The following CFTR variants were observed in gnomAD, a reference collection of about 807,000 sequenced individuals.
The protein encoded by CFTR is CF transmembrane conductance regulator.
CFTR carries 181 observed loss-of-function variants against 171.6 expected under a neutral mutation model. That is an observed-to-expected ratio of 1.05 (90% CI 0.93 to 1.19). CFTR has a LOEUF of 1.19. Ranked by LOEUF, CFTR falls within the 50% of genes most tolerant of loss-of-function variation. CFTR has a pLI of 0.00. For missense variants in CFTR, 1,968 were observed against 1,734.7 expected (o/e 1.13, Z -2.39); for synonymous variants, 583 against 608.0 (o/e 0.96, Z 0.60).
intron 1 of CFTR, among the ~76,000 whole-genome samples, chr7:117,501,781 A>AAAAAAAAAAAAAAAAAACAAAC: frequency 7.2e-6 from 1 of 139,088 alleles, no homozygotes; most frequent in Admixed American, 7.2e-5. Context: ...AGAAACAAAA[A>AAAAAAAAAAAAAAAAAACAAAC]AAAAAAAAAA....
At chr7:117,664,608 C>T (rs1793337743) in intron 24 of CFTR, 80 bp from the exon 25 acceptor site, 1 of 1,300,390 alleles carries the variant, frequency 7.7e-7, no homozygotes, top group Non-Finnish European at 1.1e-6. Flanking sequence ...GCTTTCAGAA[C>T]TCCTGTGTTT....
intron 23 of CFTR, among the ~76,000 whole-genome samples, chr7:117,648,313 AC>A (rs1793029261): frequency 6.6e-6 from 1 of 151,916 alleles, no homozygotes; most frequent in Non-Finnish European, 1.5e-5. Flanking sequence ...TTTTTGTTTG[AC>A]ATCCAATGCT....
At chr7:117,489,808 T>C (rs1798127865) in intron 1 of CFTR, among the ~76,000 whole-genome samples, 1 of 151,858 alleles carries the variant, frequency 6.6e-6, no homozygotes, top group Admixed American at 6.6e-5. Context: ...CATTTGAGAA[T>C]GTGTGATTTT....
At chr7:117,567,856 A>G (rs763341880) in intron 11 of CFTR, among the ~76,000 whole-genome samples, 1 of 152,182 alleles carries the variant, frequency 6.6e-6, no homozygotes, top group Non-Finnish European at 1.5e-5. Flanking sequence ...GTTAGATGAT[A>G]TTGGTTAATG....
chr7:117,515,324 T>C (rs1554377290), intron 3 of CFTR, among the ~76,000 whole-genome samples: 1 of 152,230 alleles, frequency 6.6e-6, no homozygotes, highest in East Asian at 1.9e-4. Context: ...AGTTAATTTT[T>C]GTATAAGGTA....
chr7:117,659,176 TACC>T (rs1474766166), intron 24 of CFTR, among the ~76,000 whole-genome samples: 1 of 152,184 alleles, frequency 6.6e-6, no homozygotes, highest in Non-Finnish European at 1.5e-5. Context: ...TGCCTCCTTC[TACC>T]ATCTTTCAGG....
chr7:117,638,155 T>C (rs966250082), intron 22 of CFTR, among the ~76,000 whole-genome samples: 1 of 152,160 alleles, frequency 6.6e-6, no homozygotes. Flanking sequence ...TGTGATTCTC[T>C]GTACCTAACT....
chr7:117,515,954 C>CT (rs912747838), intron 3 of CFTR, among the ~76,000 whole-genome samples: 19 of 152,056 alleles, frequency 1.2e-4, no homozygotes, highest in African/African-American at 4.6e-4. Context: ...TCTCTGCTGC[C>CT]TGTTGTTGGT....
intron 4 of CFTR, among the ~76,000 whole-genome samples, chr7:117,532,642 A>G (rs776637906): frequency 1.3e-5 from 2 of 152,168 alleles, no homozygotes; most frequent in Non-Finnish European, 2.9e-5. Context: ...GTTTGTAAAC[A>G]TGTCCATATG....
chr7:117,489,388 T>C (rs1239664555), intron 1 of CFTR, among the ~76,000 whole-genome samples: 3 of 152,154 alleles, frequency 2.0e-5, no homozygotes, highest in African/African-American at 4.8e-5. Context: ...GTATAGTTAA[T>C]GTAGTGCTTC....
intron 11 of CFTR, among the ~76,000 whole-genome samples, chr7:117,564,252 A>G (rs934915466): frequency 9.2e-5 from 14 of 152,346 alleles, no homozygotes; most frequent in South Asian, 2.1e-4. Flanking sequence ...AGATGATTAC[A>G]TGACAGCACG....
intron 9 of CFTR, among the ~76,000 whole-genome samples, chr7:117,544,736 A>G (rs1321643458): frequency 6.6e-6 from 1 of 152,190 alleles, no homozygotes; most frequent in African/African-American, 2.4e-5. Flanking sequence ...ACGCAACCTC[A>G]TGCCCAAAAC....
intron 21 of CFTR, among the ~76,000 whole-genome samples, chr7:117,620,473 T>C (rs1480418997): frequency 2.0e-5 from 3 of 152,212 alleles, no homozygotes; most frequent in Admixed American, 1.3e-4. Context: ...TTTCTGCTAC[T>C]GTCCCTGAAT....
intron 1 of CFTR, among the ~76,000 whole-genome samples, chr7:117,489,230 C>G (rs1455117969): frequency 6.6e-6 from 1 of 152,038 alleles, no homozygotes; most frequent in African/African-American, 2.4e-5. Context: ...CTATTCATAG[C>G]TCTGAAAGGC....
chr7:117,613,644 T>C (rs1389594719), intron 20 of CFTR, among the ~76,000 whole-genome samples: 5 of 152,142 alleles, frequency 3.3e-5, no homozygotes, highest in Non-Finnish European at 7.4e-5. Context: ...TATATTGGGG[T>C]CTAGATAAAT....
chr7:117,564,028 G>A (rs949856962), intron 11 of CFTR, among the ~76,000 whole-genome samples: 29 of 152,154 alleles, frequency 1.9e-4, no homozygotes, highest in Non-Finnish European at 1.8e-4. Context: ...TATGCTGAAT[G>A]TTTCATACAT....
At chr7:117,580,349 A>G (rs213954) in intron 11 of CFTR, among the ~76,000 whole-genome samples, 31,429 of 151,954 alleles carry the variant, frequency 0.21, 5,996 homozygotes, top group African/African-American at 0.51. Flanking sequence ...CAAATTAGCA[A>G]AAATTGAGGT....
At position 117,611,728 on chromosome 7, in the gene CFTR, T is replaced by G. The variant is rs925192503; in HGVS notation, c.3287T>G (p.Leu1096Arg). The G allele has an allele frequency of 6.2e-7, 1 of 1,613,638 alleles. No individual in the cohort carries two copies. The highest frequency in any genetic ancestry group is 1.3e-5 in the African/African-American group (1 of 74,984). Residue 1096 changes from leucine to arginine, a missense_variant, in exon 20 of 27, where the codon CTG becomes CGG. Physicochemically the swap from Leu to Arg is moderately radical, Grantham distance 102. Transcript: ENST00000003084. ...AACTGGTTCTTGTACCTGTCAACAC[T>G]GCGCTGGTTCCAAATGAGAATAGAA... ...TANWFLYLST[L>R]RWFQMRIEMI...
intron 7 of CFTR, among the ~76,000 whole-genome samples, chr7:117,538,471 A>G (rs925823907): frequency 2.6e-5 from 4 of 152,028 alleles, no homozygotes; most frequent in Admixed American, 1.3e-4. Context: ...TATAGTACCT[A>G]TTCTTCCCAT....
Sources: gnomAD v4.1 joint callset for allele counts (sites outside exome capture counted in the v4.1 genomes callset) on GRCh38, gnomAD v4.1.1 for gene constraint, MANE v1.5 for transcripts, NCBI Gene and HGNC (gene_info 2026-07-23, HGNC 2026-07-21) for gene names.